OXLD1: variants seen among roughly 807,000 people sequenced by gnomAD.
OXLD1 encodes oxidoreductase-like domain-containing protein 1.
OXLD1 carries 4 observed loss-of-function variants against 3.1 expected under a neutral mutation model. That is an observed-to-expected ratio of 1.28 (90% CI 0.63 to 2.92). The LOEUF (loss-of-function observed/expected upper bound fraction) is 2.92. Among genes scored for constraint, OXLD1 ranks in the 30% most tolerant of loss-of-function variants. The pLI is 0.01. For synonymous variants in OXLD1, 100 were observed against 87.0 expected (o/e 1.15, Z -0.83); for missense variants, 240 against 204.6 (o/e 1.17, Z -1.05).
rs1194829459 is a variant in OXLD1 at position 81,665,938 on chromosome 17, C to G, written c.61-354G>C. On this transcript the variant is annotated intron_variant, in intron 1 of 1. Transcript: ENST00000374741. ...TGCGAGAGGTGTAACCCTGTAAGCT[C>G]CTGGCCAGCCCAGCACCTCTACCAG... 7 of 379,428 alleles carry G rather than the reference C, an allele frequency of 1.8e-5. No individual in the cohort carries two copies. The East Asian group carries it at 3.0e-4, about 16-fold the overall frequency. 23.5% of individuals were successfully genotyped at this position (379,428 alleles called of 1,614,324 possible).
At chr17:81,666,435 C>T (rs886850046) in intron 1 of OXLD1, 83 bp downstream of exon 1, 2 of 1,472,284 alleles carry the variant, frequency 1.4e-6, no homozygotes, top group East Asian at 2.7e-5. Context: ...GGGGCCGGGG[C>T]TCCTCCCGGT....
intron 1 of OXLD1, chr17:81,665,910 G>C (rs1166841567): frequency 2.4e-6 from 1 of 424,396 alleles, no homozygotes; most frequent in East Asian, 4.0e-5. Flanking sequence ...GTGGACACCA[G>C]TATGCGAGAG....
intron 1 of OXLD1, 164 bp from the exon 2 acceptor site, chr17:81,665,748 TCA>T: frequency 1.3e-6 from 1 of 786,924 alleles, no homozygotes; most frequent in Non-Finnish European, 1.9e-6. Flanking sequence ...CTCTCTAGAC[TCA>T]GTTTCCCCAC....
At position 81,665,237 on chromosome 17, in the gene OXLD1, C is replaced by A. The variant is rs1235238798; in HGVS notation, c.408G>T (p.Arg136Ser). The A allele has an allele frequency of 6.2e-7, 1 of 1,613,012 alleles. No individual in the cohort carries two copies. ...VADENLKAFLRMEIRLHTRCG... is the reference protein window; with the variant it reads ...VADENLKAFLSMEIRLHTRCG... The stretch of plus-strand genomic sequence containing the variant: ...ACCTGGTGTGCAGCCGGATCTCCAT[C>A]CTGAGGAAGGCCTTGAGGTTCTCAT... The change falls in exon 2 of 2, where the codon AGG (arginine) becomes AGT (serine). Residue 136 changes from arginine to serine, a missense_variant. By Grantham distance (110) the Arg-to-Ser change is moderately radical. Transcript: ENST00000374741.
chr17:81,665,831 G>C (rs879661768), intron 1 of OXLD1: 9 of 539,578 alleles, frequency 1.7e-5, no homozygotes, highest in Non-Finnish European at 2.6e-5. Flanking sequence ...CCTGGCGCCG[G>C]GTGTGCACTC....
rs2144432617 is a variant in OXLD1, at chr17:81,666,595, C to T, written c.-18G>A. 4.9e-6 allele frequency: 7 copies of T among 1,433,848 alleles called. No individual in the cohort carries two copies. The highest frequency in any genetic ancestry group is 6.4e-6 in the Non-Finnish European group (7 of 1,094,908). The allele number at this position is 1,433,848 out of a possible 1,614,324, so 88.8% of individuals were successfully genotyped here. A position where few individuals can be genotyped will look rare whatever the true frequency, so the allele number is the denominator to read the frequency against. On this transcript the variant is annotated 5_prime_UTR_variant, in exon 1 of 2. Coordinates refer to ENST00000374741, the MANE Select transcript of OXLD1 (RefSeq NM_001039842.3). ...AGCAGCATCGCCCGCGGACGGGATCCGGCAACCCCTGACCGTGAGCGGCGG... is the reference window on the plus strand; with the variant it reads ...AGCAGCATCGCCCGCGGACGGGATCTGGCAACCCCTGACCGTGAGCGGCGG...
At position 81,666,574 on chromosome 17, in the gene OXLD1, G is replaced by A. The variant is rs909026270; in HGVS notation, c.4C>T (p.Leu2=). 3.4e-6 allele frequency: 5 copies of A among 1,469,032 alleles called. No individual in the cohort carries two copies. In the African/African-American group the frequency reaches 4.4e-5, roughly 13 times the overall value. 91.0% of individuals were successfully genotyped at this position (1,469,032 alleles called of 1,614,324 possible). A position where few individuals can be genotyped will look rare whatever the true frequency, so the allele number is the denominator to read the frequency against. M[L]LRRVVEGGRA... is the part of the protein sequence containing the mutation. ...CCTCCCTCGACCACCCTCCGCAGCAGCATCGCCCGCGGACGGGATCCGGCA... is the reference window on the plus strand; with the variant it reads ...CCTCCCTCGACCACCCTCCGCAGCAACATCGCCCGCGGACGGGATCCGGCA... Residue 2 remains leucine, a synonymous_variant, in exon 1 of 2, where the codon CTG becomes TTG. Transcript: ENST00000374741.
At chr17:81,665,629 G>A in intron 1 of OXLD1, 45 bp from the exon 2 acceptor site, 1 of 1,533,648 alleles carries the variant, frequency 6.5e-7, no homozygotes, top group Non-Finnish European at 8.8e-7. Flanking sequence ...AGCTGGTGAG[G>A]CCCGGTCTAC....
At position 81,666,528 on chromosome 17, in the gene OXLD1, AC is replaced by A. The variant is rs776453160; in HGVS notation, c.49del (p.Val17SerfsTer46). On this transcript the variant is annotated frameshift_variant, in exon 1 of 2. Transcript: ENST00000374741. LOFTEE classifies it low-confidence loss of function (END_TRUNC). ...VEGGRAVAAAVRGSGARRFSS... is the reference protein window; with the variant it reads ...VEGGRAVAAAXRGSGARRFSS... ...CGTCCTGGTACTTGCCGAGCCACGGACCGCGGCGGCTACCGCCCGGCCTCCC... is the reference window on the plus strand; with the variant it reads ...CGTCCTGGTACTTGCCGAGCCACGGACGCGGCGGCTACCGCCCGGCCTCCC... 1 of 1,523,938 alleles carries A rather than the reference AC, an allele frequency of 6.6e-7. No individual in the cohort carries two copies. Among genetic ancestry groups the A allele is most frequent in the South Asian group, 1.2e-5 (1 of 82,508 alleles). The allele number at this position is 1,523,938 out of a possible 1,614,324, so 94.4% of individuals were successfully genotyped here.
At chr17:81,666,327 C>A in intron 1 of OXLD1, 191 bp downstream of exon 1, 1 of 595,690 alleles carries the variant, frequency 1.7e-6, no homozygotes. Flanking sequence ...GATTCCGGGG[C>A]GGGGACTCGG....
At chr17:81,665,803 G>T (rs187118968) in intron 1 of OXLD1, 2 of 588,834 alleles carry the variant, frequency 3.4e-6, no homozygotes, top group African/African-American at 1.9e-5. Context: ...TGATTCACAA[G>T]AAGTGCCAGG....
intron 1 of OXLD1, 50 bp from the exon 2 acceptor site, chr17:81,665,634 G>T: frequency 2.0e-6 from 3 of 1,525,150 alleles, no homozygotes; most frequent in Non-Finnish European, 8.8e-7. Context: ...GTGAGGCCCG[G>T]TCTACCCCCA....
intron 1 of OXLD1, chr17:81,666,299 C>A: frequency 1.9e-6 from 1 of 529,954 alleles, no homozygotes; most frequent in South Asian, 2.6e-5. Context: ...TCTCCCAAGG[C>A]TAAGCGGCCC....
chr17:81,665,053 A>G lies in OXLD1; in HGVS notation c.*148T>C, dbSNP rs2036567863. On this transcript the variant is annotated 3_prime_UTR_variant, in exon 2 of 2. Transcript: ENST00000374741. The stretch of plus-strand genomic sequence containing the variant: ...CAAAAACCTCCTGTGAAACCACCAT[A>G]GAGAATTTATTTTTTTCTCAGGTGA... 12 of 1,114,752 alleles carry G rather than the reference A, an allele frequency of 1.1e-5. No homozygotes were observed. Among genetic ancestry groups the G allele is most frequent in the Non-Finnish European group, 1.5e-5 (12 of 806,344 alleles). The allele number at this position is 1,114,752 out of a possible 1,614,324, so 69.1% of individuals were successfully genotyped here.
At position 81,665,201 on chromosome 17, in the gene OXLD1, T is replaced by G. The variant is rs759257512; in HGVS notation, c.444A>C (p.Ter148CysextTer40). 1 of 1,605,284 alleles carries G rather than the reference T, an allele frequency of 6.2e-7. No homozygotes were observed. The highest frequency in any genetic ancestry group is 1.1e-5 in the South Asian group (1 of 90,090). The part of the protein sequence containing the change: ...EIRLHTRCGG[*>C] ...CGGTAGGGAGTCCAGCAGGGATGGC[T>G]CAGCCTCCGCACCTGGTGTGCAGCC... The change falls in exon 2 of 2, where the codon TGA becomes TGC. Residue 148 changes from the stop codon to cysteine (C), a stop_lost. Coordinates refer to ENST00000374741, the MANE Select transcript of OXLD1 (RefSeq NM_001039842.3).
chr17:81,665,128 G>C lies in OXLD1; in HGVS notation c.*73C>G, dbSNP rs1185663275. On this transcript the variant is annotated 3_prime_UTR_variant, in exon 2 of 2. Transcript: ENST00000374741. ...CCCGTTGGACACAAGGAGTCTGTGA[G>C]GGGGTGTGAAGGAAGGAGGCTGCGG... The C allele has an allele frequency of 1.5e-5, 23 of 1,490,698 alleles. No homozygotes were observed. Among genetic ancestry groups the C allele is most frequent in the Non-Finnish European group, 1.9e-5 (21 of 1,109,326 alleles). The allele number at this position is 1,490,698 out of a possible 1,614,324, so 92.3% of individuals were successfully genotyped here.
At chr17:81,665,718 CT>C in intron 1 of OXLD1, 134 bp from the exon 2 acceptor site, 1 of 1,032,374 alleles carries the variant, frequency 9.7e-7, no homozygotes, top group Non-Finnish European at 1.4e-6. Flanking sequence ...CTTCCTGTGA[CT>C]TTAGACATGT....
rs570968113 is a variant in OXLD1 at position 81,666,573 on chromosome 17, A to T, written c.5T>A (p.Leu2Gln). 1.4e-6 allele frequency: 2 copies of T among 1,472,242 alleles called. No homozygotes were observed. The highest frequency in any genetic ancestry group is 1.3e-5 in the South Asian group (1 of 76,582). 91.2% of individuals were successfully genotyped at this position (1,472,242 alleles called of 1,614,324 possible). ...GCCTCCCTCGACCACCCTCCGCAGC[A>T]GCATCGCCCGCGGACGGGATCCGGC... MLLRRVVEGGRA... is the reference protein window; with the variant it reads MQLRRVVEGGRA... The change falls in exon 1 of 2, where the codon CTG becomes CAG. Residue 2 changes from leucine to glutamine, a missense_variant. Transcript: ENST00000374741.
chr17:81,665,477 T>C lies in OXLD1; in HGVS notation c.168A>G (p.Lys56=). ...PGAQAPDGRR[K]FGTDHVEVGS... ...CCACCTCTACGTGGTCTGTCCCGAA[T>C]TTTCTGCGCCCATCAGGGGCTTGCG... Residue 56 remains lysine, a synonymous_variant, in exon 2 of 2, where the codon AAA becomes AAG. Transcript: ENST00000374741. 1 of 1,613,330 alleles carries C rather than the reference T, an allele frequency of 6.2e-7. No individual in the cohort carries two copies. Among genetic ancestry groups the C allele is most frequent in the Non-Finnish European group, 8.5e-7 (1 of 1,180,012 alleles).
Sources: gnomAD v4.1 joint callset for allele counts on GRCh38, gnomAD v4.1.1 for gene constraint, MANE v1.5 for transcripts, NCBI Gene and HGNC (gene_info 2026-07-23, HGNC 2026-07-21) for gene names.